UGP2: variants seen among roughly 807,000 people sequenced by gnomAD.
UGP2 encodes UDP-glucose pyrophosphorylase 2, also known as UTP--glucose-1-phosphate uridylyltransferase.
UGP2 carries 40 observed loss-of-function variants against 49.0 expected under a neutral mutation model. The observed-to-expected ratio is 0.82, with a 90% confidence interval of 0.63 to 1.06. The LOEUF is 1.06. Among genes scored for constraint, UGP2 ranks in the 50% least tolerant of loss-of-function variants. The probability of loss-of-function intolerance (pLI) is 0.00; values close to 1 mark genes in which losing one functional copy is unlikely to be tolerated. For synonymous variants in UGP2, 225 were observed against 213.0 expected, an observed-to-expected ratio of 1.06 and a Z score of -0.49; for missense variants, 460 against 603.5, an observed-to-expected ratio of 0.76 and a Z score of 2.49.
chr2:63,869,977 C>T (rs1328136211), intron 3 of UGP2, among the ~76,000 whole-genome samples: 1 of 146,440 alleles, frequency 6.8e-6, no homozygotes, highest in Non-Finnish European at 1.5e-5. Context: ...GGCTGGAGTG[C>T]AGTGGCGCAA....
intron 6 of UGP2, among the ~76,000 whole-genome samples, 160 bp downstream of exon 6, chr2:63,886,046 T>C (rs1575855658): frequency 6.6e-6 from 1 of 152,308 alleles, no homozygotes; most frequent in Middle Eastern, 3.4e-3. Context: ...ATAAATAGTA[T>C]CAAAATCATC....
chr2:63,857,700 C>T lies in UGP2; in HGVS notation c.148-129C>T. The T allele has an allele frequency of 3.1e-6, 3 of 966,944 alleles. No individual in the cohort carries two copies. In the South Asian group the frequency reaches 4.4e-5, roughly 14 times the overall value. The allele number at this position is 966,944 out of a possible 1,614,324, so 59.9% of individuals were successfully genotyped here. Reference sequence around the variant, plus strand: ...TTTTAGGATGTGAAAAAGTCTTGCTCCCTCCATGTCCTAATGGTGTAAGAA... The same window carrying T: ...TTTTAGGATGTGAAAAAGTCTTGCTTCCTCCATGTCCTAATGGTGTAAGAA... On this transcript the variant is annotated intron_variant, in intron 2 of 9. Transcript: ENST00000337130.
rs1671632806 is a variant in UGP2 at position 63,885,826 on chromosome 2, C to A, written c.813C>A (p.Pro271=). ...LYILNHLMNP[P]NGKRCEFVME... Reference sequence around the variant, plus strand: ...TTCTTAATCATCTAATGAACCCACCCAATGGAAAACGCTGTGAATTTGTCA... The same window carrying A: ...TTCTTAATCATCTAATGAACCCACCAAATGGAAAACGCTGTGAATTTGTCA... The change falls in exon 6 of 10, where the codon CCC becomes CCA. Residue 271 remains proline, a synonymous_variant. Transcript: ENST00000337130. The A allele has an allele frequency of 6.2e-7, 1 of 1,603,950 alleles. No individual in the cohort carries two copies. Among genetic ancestry groups the A allele is most frequent in the Non-Finnish European group, 8.5e-7 (1 of 1,176,088 alleles).
chr2:63,846,646 A>G (rs1671955339), intron 1 of UGP2, among the ~76,000 whole-genome samples: 2 of 152,204 alleles, frequency 1.3e-5, no homozygotes, highest in African/African-American at 4.8e-5. Flanking sequence ...TATTTGATAG[A>G]TGGCAGCTAG....
rs563087246 is a variant in UGP2, at chr2:63,843,473, A to G, written c.19+1269A>G. On this transcript the variant is annotated intron_variant, in intron 1 of 9. Transcript: ENST00000337130. ...GTTACCATAAAGGCGGTATTTTGCA[A>G]GAATATGCTAGGTAAAAGTGGACAA... Among the ~76,000 whole-genome samples the G allele has an allele frequency of 7.9e-5, 12 of 152,358 alleles. No homozygotes were observed. In the South Asian group the frequency reaches 2.5e-3, roughly 32 times the overall value.
intron 3 of UGP2, among the ~76,000 whole-genome samples, chr2:63,877,845 T>C (rs1671013614): frequency 6.7e-6 from 1 of 149,418 alleles, no homozygotes. Context: ...TACAAAAAAT[T>C]AGCCGGGCGC....
chr2:63,867,183 T>TA (rs1575827164), intron 3 of UGP2, among the ~76,000 whole-genome samples: 1 of 152,208 alleles, frequency 6.6e-6, no homozygotes, highest in East Asian at 1.9e-4. Flanking sequence ...TGTAAATCAC[T>TA]AAAAAATCCT....
chr2:63,847,558 G>A (rs899668032), intron 1 of UGP2, among the ~76,000 whole-genome samples: 3 of 152,130 alleles, frequency 2.0e-5, no homozygotes, highest in African/African-American at 7.2e-5. Context: ...AGTCCGAAAA[G>A]AGAGTCAGTG....
intron 1 of UGP2, chr2:63,855,391 G>A (rs1359094633): frequency 2.1e-6 from 1 of 480,486 alleles, no homozygotes; most frequent in Admixed American, 2.2e-5. Flanking sequence ...GGGGAAGGGT[G>A]GACAAATAAT....
intron 3 of UGP2, among the ~76,000 whole-genome samples, chr2:63,859,423 A>T (rs1283523399): frequency 6.6e-6 from 1 of 152,154 alleles, no homozygotes; most frequent in Non-Finnish European, 1.5e-5. Flanking sequence ...AATATATTTT[A>T]GGGTTCAAGA....
chr2:63,853,490 G>C (rs933506785), intron 1 of UGP2, among the ~76,000 whole-genome samples: 5 of 152,104 alleles, frequency 3.3e-5, no homozygotes, highest in African/African-American at 1.2e-4. Context: ...CCAATTCTCT[G>C]ACTTTGAGTA....
intron 3 of UGP2, among the ~76,000 whole-genome samples, chr2:63,875,642 CA>C (rs1294672633): frequency 2.6e-5 from 4 of 152,142 alleles, no homozygotes; most frequent in African/African-American, 9.7e-5. Flanking sequence ...AGTAGATTGC[CA>C]ATTAACTTTC....
At chr2:63,879,820 G>A (rs1296440189) in intron 3 of UGP2, among the ~76,000 whole-genome samples, 3 of 152,110 alleles carry the variant, frequency 2.0e-5, no homozygotes, top group Admixed American at 1.3e-4. Context: ...CCTACCATGT[G>A]GAAAATTGCT....
At position 63,851,818 on chromosome 2, in the gene UGP2, C is replaced by T. The variant is rs528529610; in HGVS notation, c.20-4488C>T. 5.9e-5 allele frequency among the ~76,000 whole-genome samples: 9 copies of T among 152,264 alleles called. No individual in the cohort carries two copies. The South Asian group carries it at 1.2e-3, about 21-fold the overall frequency. On this transcript the variant is annotated intron_variant, in intron 1 of 9. Transcript: ENST00000337130. ...ATATGCAGGGTTGGTTAATTCAGTA[C>T]AAAAGCTTATCAGACCTTCCTTCTG...
At position 63,884,263 on chromosome 2, in the gene UGP2, C is replaced by T. The variant is rs576153787; in HGVS notation, c.575+170C>T. 7.9e-5 allele frequency among the ~76,000 whole-genome samples: 12 copies of T among 152,326 alleles called. No homozygotes were observed. In the East Asian group the frequency reaches 2.1e-3, roughly 27 times the overall value. ...TGTTGATATGTGATTGTTATAATCA[C>T]TCTGGTTCTCTAATTTCCAGTTCTT... On this transcript the variant is annotated intron_variant, in intron 5 of 9. Coordinates refer to ENST00000337130, the MANE Select transcript of UGP2 (RefSeq NM_006759.4).
At chr2:63,861,920 G>A (rs1236104663) in intron 3 of UGP2, among the ~76,000 whole-genome samples, 1 of 151,976 alleles carries the variant, frequency 6.6e-6, no homozygotes, top group Middle Eastern at 3.2e-3. Context: ...AACATTAAAA[G>A]CTATTGTTTA....
intron 6 of UGP2, 68 bp downstream of exon 6, chr2:63,885,954 CT>C: frequency 6.8e-7 from 1 of 1,460,974 alleles, no homozygotes; most frequent in African/African-American, 1.4e-5. Flanking sequence ...AAGTTAAAGA[CT>C]TTTTTATTTG....
At chr2:63,883,808 C>G in intron 4 of UGP2, 152 bp from the exon 5 acceptor site, 1 of 838,604 alleles carries the variant, frequency 1.2e-6, no homozygotes, top group South Asian at 2.0e-5. Flanking sequence ...ATGTCTGGCT[C>G]GTGCTGAGCA....
At chr2:63,877,798 C>A (rs1671009975) in intron 3 of UGP2, among the ~76,000 whole-genome samples, 1 of 150,862 alleles carries the variant, frequency 6.6e-6, no homozygotes, top group African/African-American at 2.4e-5. Context: ...TCGAGACCAT[C>A]CTGGCTAACA....
Sources: allele counts gnomAD v4.1 joint callset (sites outside exome capture counted in the v4.1 genomes callset), GRCh38; gene constraint gnomAD v4.1.1; transcripts MANE v1.5; gene names NCBI Gene and HGNC (gene_info 2026-07-23, HGNC 2026-07-21).